Variants in KIF25 observed in about 807,000 individuals in gnomAD.
KIF25 encodes the protein kinesin family member 25.
KIF25 carries 19 observed loss-of-function variants against 32.9 expected under a neutral mutation model. The observed-to-expected ratio is 0.58, with a 90% CI of 0.40 to 0.85. The LOEUF (loss-of-function observed/expected upper bound fraction) is 0.85, where lower values mean the gene tolerates loss of function less well. KIF25 is among the 40% of genes least tolerant of loss of function. KIF25 has a pLI of 0.00. For missense variants in KIF25, 485 were observed against 507.0 expected, an observed-to-expected ratio of 0.96 and a Z score of 0.42; for synonymous variants, 225 against 213.7, an observed-to-expected ratio of 1.05 and a Z score of -0.46.
intron 4 of KIF25, among the ~76,000 whole-genome samples, chr6:168,011,500 A>G (rs9355152): frequency 0.34 from 51,408 of 152,022 alleles, 9,044 homozygotes; most frequent in South Asian, 0.42. Flanking sequence ...TTTTCTTTCA[A>G]TCAGCAGTTT....
chr6:167,999,921 TC>T (rs1391717359), intron 2 of KIF25, among the ~76,000 whole-genome samples: 24 of 147,920 alleles, frequency 1.6e-4, no homozygotes, highest in African/African-American at 5.3e-4. Flanking sequence ...CACCTGACCC[TC>T]CCCACTCCCA....
intron 12 of KIF25, among the ~76,000 whole-genome samples, chr6:168,043,188 G>A (rs1799156848): frequency 1.3e-5 from 2 of 152,210 alleles, no homozygotes; most frequent in Non-Finnish European, 2.9e-5. Flanking sequence ...TCATCCAGCT[G>A]TGGCTGGATC....
chr6:168,029,407 G>T, intron 5 of KIF25, 85 bp from the exon 6 acceptor site: 1 of 917,694 alleles, frequency 1.1e-6, no homozygotes, highest in Non-Finnish European at 1.6e-6. Context: ...ACTGACTTTT[G>T]GATGGTGTTA....
Position 168,042,659 on chromosome 6 carries a change from C to T in KIF25, c.928C>T (p.Arg310Cys), listed in dbSNP as rs754615964. The change falls in exon 12 of 13, where the codon CGT (arginine) becomes TGT (cysteine). Residue 310 changes from arginine to cysteine, a missense_variant. By Grantham distance (180) the Arg-to-Cys change is radical. Transcript: ENST00000643607. ...CGTCCTGGGGGCTTTGTTGGAGCAC[C>T]GTGGCCATGCCCCGTACCGGAACAG... ...AGVLGALLEHRGHAPYRNSRL... is the reference protein window; with the variant it reads ...AGVLGALLEHCGHAPYRNSRL... 5.6e-6 allele frequency: 9 copies of T among 1,613,570 alleles called. No homozygotes were observed. The highest frequency in any genetic ancestry group is 2.2e-5 in the East Asian group (1 of 44,880).
intron 12 of KIF25, 116 bp from the exon 13 acceptor site, chr6:168,044,710 TG>T: frequency 9.2e-7 from 1 of 1,084,480 alleles, no homozygotes. Context: ...ACTTTCCCGC[TG>T]GGGCGCCGGG....
At chr6:168,022,756 TTTG>T (rs1167312308) in intron 5 of KIF25, among the ~76,000 whole-genome samples, 17 of 150,040 alleles carry the variant, frequency 1.1e-4, no homozygotes, top group South Asian at 2.1e-4. Context: ...TTTTTGATTG[TTTG>T]TTGTTGTTGT....
chr6:168,033,761 G>A (rs375786831), intron 7 of KIF25, 121 bp from the exon 8 acceptor site: 5 of 1,017,400 alleles, frequency 4.9e-6, no homozygotes, highest in South Asian at 4.9e-5. Context: ...TATAAGAAAT[G>A]GAGTAACAGG....
intron 8 of KIF25, among the ~76,000 whole-genome samples, chr6:168,035,438 C>CGGGCG (rs1562390520): frequency 1.4e-3 from 10 of 7,178 alleles, no homozygotes; most frequent in East Asian, 7.1e-3. Flanking sequence ...AACGGCGCGG[C>CGGGCG]GGAGGAGGCG....
chr6:168,031,566 C>T lies in KIF25; in HGVS notation c.167+719C>T, dbSNP rs548303880. 8.5e-5 allele frequency among the ~76,000 whole-genome samples: 13 copies of T among 152,348 alleles called. No individual in the cohort carries two copies. The South Asian group carries it at 1.0e-3, about 12-fold the overall frequency. ...GGAAGCTCCTGCATCTGACCACGCA[C>T]GCACGCGGGGCCGCTCCGCCAATCA... On this transcript the variant is annotated intron_variant, in intron 7 of 12. Transcript: ENST00000643607.
At chr6:168,029,351 C>G (rs1798907337) in intron 5 of KIF25, 141 bp from the exon 6 acceptor site, 1 of 575,140 alleles carries the variant, frequency 1.7e-6, no homozygotes, top group Non-Finnish European at 2.9e-6. Context: ...TTCTAAAACA[C>G]CAGCTGGAAA....
intron 5 of KIF25, among the ~76,000 whole-genome samples, chr6:168,023,829 C>T (rs1455743751): frequency 6.6e-6 from 1 of 152,228 alleles, no homozygotes; most frequent in Non-Finnish European, 1.5e-5. Flanking sequence ...CACCATGTGT[C>T]GCGATCTGGT....
intron 5 of KIF25, among the ~76,000 whole-genome samples, chr6:168,024,860 G>C (rs1166325028): frequency 6.6e-6 from 1 of 152,080 alleles, no homozygotes; most frequent in Non-Finnish European, 1.5e-5. Context: ...AGACCAGCCT[G>C]GTCAACATGG....
At chr6:168,026,302 C>T (rs758896813) in intron 5 of KIF25, among the ~76,000 whole-genome samples, 8 of 152,114 alleles carry the variant, frequency 5.3e-5, no homozygotes, top group East Asian at 3.9e-4. Flanking sequence ...AATATGAATA[C>T]GCTGAGGGTC....
chr6:168,016,951 C>T (rs541741961), intron 4 of KIF25, among the ~76,000 whole-genome samples: 6 of 152,242 alleles, frequency 3.9e-5, no homozygotes, highest in South Asian at 2.1e-4. Context: ...CTGAGAGACA[C>T]GCCGGGGATT....
chr6:168,011,515 A>G (rs1444395484), intron 4 of KIF25, among the ~76,000 whole-genome samples: 18 of 152,194 alleles, frequency 1.2e-4, no homozygotes, highest in Admixed American at 1.1e-3. Context: ...CAGTTTGACT[A>G]TATTATCCCA....
At chr6:168,008,082 G>A (rs749323938) in intron 4 of KIF25, among the ~76,000 whole-genome samples, 1 of 152,116 alleles carries the variant, frequency 6.6e-6, no homozygotes, top group Non-Finnish European at 1.5e-5. Context: ...CCTTATGAAG[G>A]AATACTGTAT....
At chr6:168,024,453 T>A (rs972297381) in intron 5 of KIF25, among the ~76,000 whole-genome samples, 2 of 129,110 alleles carry the variant, frequency 1.5e-5, no homozygotes, top group African/African-American at 2.9e-5. Context: ...TTTTTTTTTT[T>A]ACTGTGCTTC....
intron 8 of KIF25, among the ~76,000 whole-genome samples, 177 bp downstream of exon 8, chr6:168,034,208 A>G (rs551127806): frequency 6.6e-6 from 1 of 152,362 alleles, no homozygotes; most frequent in African/African-American, 2.4e-5. Context: ...CATTATTGCT[A>G]CCAATCCTGT....
intron 5 of KIF25, among the ~76,000 whole-genome samples, chr6:168,020,595 G>A (rs1333952852): frequency 2.6e-5 from 4 of 152,158 alleles, no homozygotes; most frequent in Non-Finnish European, 5.9e-5. Context: ...GGGAGTGGGC[G>A]TGCAAGTGTA....
Sources: gnomAD v4.1 joint callset for allele counts (sites outside exome capture counted in the v4.1 genomes callset) on GRCh38, gnomAD v4.1.1 for gene constraint, MANE v1.5 for transcripts, NCBI Gene and HGNC (gene_info 2026-07-23, HGNC 2026-07-21) for gene names.